Variants in EXOC5 observed in about 807,000 individuals in gnomAD.
EXOC5 encodes the protein exocyst complex component 5, also known as SEC10-like 1.
EXOC5 carries 17 observed loss-of-function variants against 90.8 expected under a neutral mutation model. The observed-to-expected ratio is 0.19, with a 90% confidence interval of 0.13 to 0.28. The LOEUF (loss-of-function observed/expected upper bound fraction) is 0.28, where lower values mean the gene tolerates loss of function less well. Among genes scored for constraint, EXOC5 ranks in the 10% least tolerant of loss-of-function variants. The pLI, the probability that EXOC5 is intolerant of heterozygous loss-of-function variation, is 1.00. For missense variants in EXOC5, 569 were observed against 830.6 expected, an observed-to-expected ratio of 0.69 and a Z score of 3.87; for synonymous variants, 260 against 270.0, an observed-to-expected ratio of 0.96 and a Z score of 0.36.
chr14:57,222,580 C>T (rs1883178317), intron 12 of EXOC5, among the ~76,000 whole-genome samples, 164 bp from the exon 13 acceptor site: 1 of 151,870 alleles, frequency 6.6e-6, no homozygotes, highest in South Asian at 2.1e-4. Context: ...TACACACACA[C>T]ACAATTACAA....
rs10141594 is a variant in EXOC5 at position 57,231,761 on chromosome 14, T to C, written c.939-46A>G. Reference sequence around the variant, plus strand: ...GAAAAAGATTAATATACATTTTAGGTATAGTAACAATATTAAGGAATACAA... The same window carrying C: ...GAAAAAGATTAATATACATTTTAGGCATAGTAACAATATTAAGGAATACAA... On this transcript the variant is annotated intron_variant, in intron 10 of 17. Coordinates refer to ENST00000621441, the MANE Select transcript of EXOC5 (RefSeq NM_006544.4). The C allele has an allele frequency of 8.1e-4, 1,043 of 1,285,468 alleles. 8 individuals carry two copies. In the African/African-American group the frequency reaches 0.013, roughly 16 times the overall value. The allele number at this position is 1,285,468 out of a possible 1,614,324, so 79.6% of individuals were successfully genotyped here. A position where few individuals can be genotyped will look rare whatever the true frequency, so the allele number is the denominator to read the frequency against.
chr14:57,238,215 C>CAT (rs774674398), intron 5 of EXOC5, among the ~76,000 whole-genome samples: 2,201 of 96,482 alleles, frequency 0.023, 66 homozygotes, highest in African/African-American at 0.07. Flanking sequence ...TTCAACTCCA[C>CAT]ATATATATAC....
intron 15 of EXOC5, among the ~76,000 whole-genome samples, chr14:57,217,343 C>G (rs554171347): frequency 6.6e-6 from 1 of 152,242 alleles, no homozygotes; most frequent in African/African-American, 2.4e-5. Context: ...AAGTTGCAGG[C>G]TTATGGCAAC....
At chr14:57,220,776 G>C (rs940983386) in intron 13 of EXOC5, among the ~76,000 whole-genome samples, 1 of 151,948 alleles carries the variant, frequency 6.6e-6, no homozygotes, top group African/African-American at 2.4e-5. Flanking sequence ...CTCTGGCCTG[G>C]GTGACAGAGC....
At chr14:57,209,520 A>C in intron 17 of EXOC5, 47 bp downstream of exon 17, 1 of 1,021,340 alleles carries the variant, frequency 9.8e-7, no homozygotes, top group Non-Finnish European at 1.5e-6. Flanking sequence ...AATCTGACTT[A>C]TGCTCCTGGG....
chr14:57,231,215 G>T (rs1376968871), intron 11 of EXOC5, among the ~76,000 whole-genome samples: 1 of 151,894 alleles, frequency 6.6e-6, no homozygotes, highest in Non-Finnish European at 1.5e-5. Context: ...CACCACGTTG[G>T]CCAGGCTGGT....
intron 4 of EXOC5, among the ~76,000 whole-genome samples, chr14:57,239,980 G>A (rs1883807472): frequency 6.6e-6 from 1 of 152,082 alleles, no homozygotes; most frequent in Non-Finnish European, 1.5e-5. Context: ...ATTGCTTGCT[G>A]AAAGCCAGGT....
chr14:57,222,211 GAC>G lies in EXOC5; in HGVS notation c.1405+95_1405+96del, dbSNP rs1225741333. On this transcript the variant is annotated intron_variant, in intron 13 of 17. Coordinates refer to ENST00000621441, the MANE Select transcript of EXOC5 (RefSeq NM_006544.4). ...CTTCATTGCACCGAACTGAATTTGA[GAC>G]ACAGAGATGATTATAAGCAAAACAA... The G allele has an allele frequency of 1.4e-5, 8 of 585,828 alleles. No individual in the cohort carries two copies. The East Asian group carries it at 1.5e-4, about 11-fold the overall frequency. The allele number at this position is 585,828 out of a possible 1,614,324, so 36.3% of individuals were successfully genotyped here.
chr14:57,219,333 C>T lies in EXOC5; in HGVS notation c.1515G>A (p.Met505Ile), dbSNP rs780886543. 6.6e-7 allele frequency: 1 copy of T among 1,513,028 alleles called. No individual in the cohort carries two copies. The highest frequency in any genetic ancestry group is 1.3e-5 in the South Asian group (1 of 79,792). 93.7% of individuals were successfully genotyped at this position (1,513,028 alleles called of 1,614,324 possible). A position where few individuals can be genotyped will look rare whatever the true frequency, so the allele number is the denominator to read the frequency against. ...ATAATTTGACTAACCTTATTAGTGG[C>T]ATAAGGTGATCATTAAACTGTTTGT... The part of the protein sequence containing the change: ...LFDKQFNDHL[M>I]PLISSSPKLS... Residue 505 changes from methionine to isoleucine, a missense_variant, in exon 14 of 18, where the codon ATG becomes ATA. Met to Ile is a conservative substitution (Grantham distance 10). Coordinates refer to ENST00000621441, the MANE Select transcript of EXOC5 (RefSeq NM_006544.4).
intron 1 of EXOC5, among the ~76,000 whole-genome samples, chr14:57,261,174 C>A (rs886618258): frequency 1.3e-5 from 2 of 152,084 alleles, no homozygotes; most frequent in African/African-American, 2.4e-5. Context: ...CTAGAACTTT[C>A]GTTTAATTTG....
In EXOC5 at chr14:57,202,623, A is replaced by G. The variant is rs565434127; in HGVS notation, c.*5986T>C. ...AGAGTTGATAAAGGAATTCAATGTGATATATAACTAAGAAAACATAATGTT... is the reference window on the plus strand; with the variant it reads ...AGAGTTGATAAAGGAATTCAATGTGGTATATAACTAAGAAAACATAATGTT... On this transcript the variant is annotated 3_prime_UTR_variant, in exon 18 of 18. Transcript: ENST00000621441. 7.0e-4 allele frequency: 106 copies of G among 152,322 alleles called. No individual in the cohort carries two copies. Among genetic ancestry groups the G allele is most frequent in the African/African-American group, 2.3e-3 (97 of 41,568 alleles). 9.4% of individuals were successfully genotyped at this position (152,322 alleles called of 1,614,324 possible). A position where few individuals can be genotyped will look rare whatever the true frequency, so the allele number is the denominator to read the frequency against.
At chr14:57,219,661 T>C (rs1883070296) in intron 13 of EXOC5, among the ~76,000 whole-genome samples, 2 of 152,144 alleles carry the variant, frequency 1.3e-5, no homozygotes, top group Non-Finnish European at 2.9e-5. Context: ...ATGTTCACCA[T>C]CTACTTAGCC....
At chr14:57,210,105 CT>C (rs200089845) in intron 15 of EXOC5, 44 bp from the exon 16 acceptor site, 124,713 of 842,484 alleles carry the variant, frequency 0.15, 11,345 homozygotes, top group South Asian at 0.29. Flanking sequence ...ATCTAACTTA[CT>C]CTATGTTTAT....
At chr14:57,247,763 A>G in intron 1 of EXOC5, 51 bp from the exon 2 acceptor site, 1 of 874,126 alleles carries the variant, frequency 1.1e-6, no homozygotes, top group East Asian at 2.9e-5. Context: ...CAAGTACTTA[A>G]TATTACTTAT....
In EXOC5 at chr14:57,235,555, T is replaced by C. The variant is rs575894940; in HGVS notation, c.669+156A>G. ...ATTAAATATATAACATTCAATACCATTTACAGAGTATCAAATGTACAAATT... is the reference window on the plus strand; with the variant it reads ...ATTAAATATATAACATTCAATACCACTTACAGAGTATCAAATGTACAAATT... On this transcript the variant is annotated intron_variant, in intron 7 of 17. Coordinates refer to ENST00000621441, the MANE Select transcript of EXOC5 (RefSeq NM_006544.4). 4.3e-4 allele frequency among the ~76,000 whole-genome samples: 65 copies of C among 152,134 alleles called. 1 individual carries two copies. Among genetic ancestry groups the C allele is most frequent in the South Asian group, 3.5e-3 (17 of 4,822 alleles).
chr14:57,222,674 T>C (rs1276424143), intron 12 of EXOC5, among the ~76,000 whole-genome samples: 2 of 151,538 alleles, frequency 1.3e-5, no homozygotes, highest in African/African-American at 4.9e-5. Flanking sequence ...AATCCAAGTA[T>C]ACTTTCATAA....
chr14:57,212,314 G>C (rs1882853062), intron 15 of EXOC5, among the ~76,000 whole-genome samples: 2 of 152,352 alleles, frequency 1.3e-5, no homozygotes, highest in Middle Eastern at 6.8e-3. Flanking sequence ...CTTCCCTGCA[G>C]TATGTGTAAG....
intron 14 of EXOC5, among the ~76,000 whole-genome samples, chr14:57,218,963 C>T (rs1260501624): frequency 6.6e-6 from 1 of 151,972 alleles, no homozygotes; most frequent in Non-Finnish European, 1.5e-5. Context: ...TACATTATAA[C>T]AAGTGGGTAC....
intron 1 of EXOC5, among the ~76,000 whole-genome samples, chr14:57,258,658 G>C (rs558184835): frequency 6.6e-6 from 1 of 152,278 alleles, no homozygotes; most frequent in East Asian, 1.9e-4. Context: ...TAACAAACCT[G>C]TACGTTATGC....
Sources: gnomAD v4.1 joint callset for allele counts (sites outside exome capture counted in the v4.1 genomes callset) on GRCh38, gnomAD v4.1.1 for gene constraint, MANE v1.5 for transcripts, NCBI Gene and HGNC (gene_info 2026-07-23, HGNC 2026-07-21) for gene names.